ZNF423: variants seen among roughly 807,000 people sequenced by gnomAD.
ZNF423 encodes zinc finger protein 423, also known as Ebf-associated zinc finger protein.
In ZNF423, 12 loss-of-function variants were observed where a neutral mutation model predicts 95.8. The observed-to-expected ratio is 0.13, with a 90% confidence interval of 0.08 to 0.20. The LOEUF is 0.20. Among genes scored for constraint, ZNF423 ranks in the 10% least tolerant of loss-of-function variants. The probability of loss-of-function intolerance (pLI) is 1.00; values close to 1 mark genes in which losing one functional copy is unlikely to be tolerated. For synonymous variants in ZNF423, 749 were observed against 711.9 expected, an observed-to-expected ratio of 1.05 and a Z score of -0.83; for missense variants, 1,316 against 1,737.1, an observed-to-expected ratio of 0.76 and a Z score of 4.31.
At chr16:49,501,489 A>C (rs1165229456) in intron 7 of ZNF423, among the ~76,000 whole-genome samples, 1 of 152,198 alleles carries the variant, frequency 6.6e-6, no homozygotes, top group Non-Finnish European at 1.5e-5. Context: ...AGAACTAAGA[A>C]TTGAACTACC....
At chr16:49,591,154 A>C (rs1377371540) in intron 5 of ZNF423, among the ~76,000 whole-genome samples, 2 of 152,194 alleles carry the variant, frequency 1.3e-5, no homozygotes, top group Non-Finnish European at 2.9e-5. Flanking sequence ...TACGGACAGT[A>C]TAAGTCCACT....
chr16:49,827,501 T>C (rs148936534), intron 1 of ZNF423, among the ~76,000 whole-genome samples: 102 of 149,890 alleles, frequency 6.8e-4, no homozygotes, highest in African/African-American at 2.3e-3. Flanking sequence ...GATGGAAGAA[T>C]GAATGAATGA....
In ZNF423 at chr16:49,521,543, T is replaced by C. The variant is rs190701337; in HGVS notation, c.3849+2081A>G. 2.0e-5 allele frequency among the ~76,000 whole-genome samples: 3 copies of C among 152,222 alleles called. No individual in the cohort carries two copies. In the East Asian group the frequency reaches 5.8e-4, roughly 29 times the overall value. On this transcript the variant is annotated intron_variant, in intron 7 of 7. Transcript: ENST00000563137. Reference sequence around the variant, plus strand: ...ACATCCTAAGCACAGAGACATCAGCTCAGTTTGTGGATCAATGGGGAGACA... The same window carrying C: ...ACATCCTAAGCACAGAGACATCAGCCCAGTTTGTGGATCAATGGGGAGACA...
At chr16:49,669,998 C>T (rs745731231) in intron 3 of ZNF423, among the ~76,000 whole-genome samples, 61 of 152,214 alleles carry the variant, frequency 4.0e-4, no homozygotes, top group Non-Finnish European at 5.9e-4. Context: ...GGGGAGGAGA[C>T]GCCAAGGGCA....
intron 5 of ZNF423, among the ~76,000 whole-genome samples, chr16:49,536,681 T>G (rs1245152009): frequency 6.6e-6 from 1 of 152,168 alleles, no homozygotes. Flanking sequence ...AATCCCAAAG[T>G]GCTGGGATTA....
intron 1 of ZNF423, among the ~76,000 whole-genome samples, chr16:49,829,751 C>T (rs2035042710): frequency 6.6e-6 from 1 of 152,072 alleles, no homozygotes; most frequent in African/African-American, 2.4e-5. Flanking sequence ...TCCATGGGCT[C>T]ATGGAGAAGT....
At chr16:49,837,184 G>T (rs1253799788) in intron 1 of ZNF423, among the ~76,000 whole-genome samples, 1 of 152,134 alleles carries the variant, frequency 6.6e-6, no homozygotes, top group Non-Finnish European at 1.5e-5. Flanking sequence ...GGGGGCCCTG[G>T]CGAGCTGAGG....
chr16:49,679,347 C>T (rs899652492), intron 3 of ZNF423, among the ~76,000 whole-genome samples: 7 of 152,230 alleles, frequency 4.6e-5, no homozygotes, highest in Admixed American at 1.3e-4. Flanking sequence ...GATCCCCACC[C>T]TCCCCAGCAC....
chr16:49,771,192 C>CTTTTTTTTTTT (rs71380376), intron 2 of ZNF423, among the ~76,000 whole-genome samples: 22 of 89,432 alleles, frequency 2.5e-4, no homozygotes, highest in African/African-American at 3.7e-4. Flanking sequence ...TTTTTTTTTT[C>CTTTTTTTTTTT]TTTTTTTTTT....
rs370522546 is a variant in ZNF423 at position 49,627,702 on chromosome 16, C to CCCAT, written c.3517-1452_3517-1449dup. 1.7e-4 allele frequency among the ~76,000 whole-genome samples: 26 copies of CCCAT among 150,976 alleles called. 1 individual carries two copies. Among genetic ancestry groups the CCCAT allele is most frequent in the African/African-American group, 3.7e-4 (15 of 40,998 alleles). On this transcript the variant is annotated intron_variant, in intron 4 of 7. Transcript: ENST00000563137. ...TACCCATTCATCCATCCTCCATCTA[C>CCCAT]CCATCCATCCATCCATCCATCCATC... is the stretch of plus-strand genomic sequence containing the variant.
At chr16:49,572,565 T>G (rs1428176554) in intron 5 of ZNF423, among the ~76,000 whole-genome samples, 1 of 152,152 alleles carries the variant, frequency 6.6e-6, no homozygotes, top group Non-Finnish European at 1.5e-5. Flanking sequence ...ACAGTGGGCT[T>G]CTTTCTACAG....
chr16:49,753,174 G>A (rs373894521), intron 2 of ZNF423, among the ~76,000 whole-genome samples: 2 of 151,820 alleles, frequency 1.3e-5, no homozygotes, highest in African/African-American at 4.8e-5. Context: ...AACCCGGGAG[G>A]CAGAGGTTGC....
At chr16:49,525,304 CA>C (rs1355941159) in intron 6 of ZNF423, 58 bp downstream of exon 6, 75 of 1,595,672 alleles carry the variant, frequency 4.7e-5, no homozygotes, top group Non-Finnish European at 6.3e-5. Flanking sequence ...CCCGCAATAA[CA>C]GGGCAGGGCT....
At chr16:49,665,750 G>T (rs2030510636) in intron 3 of ZNF423, among the ~76,000 whole-genome samples, 1 of 152,102 alleles carries the variant, frequency 6.6e-6, no homozygotes, top group Non-Finnish European at 1.5e-5. Context: ...CCATCATCCA[G>T]CCGTCTCTTT....
chr16:49,823,381 C>T (rs1400419972), intron 1 of ZNF423, among the ~76,000 whole-genome samples: 1 of 152,192 alleles, frequency 6.6e-6, no homozygotes, highest in African/African-American at 2.4e-5. Flanking sequence ...TTAATCTTCA[C>T]AGCTGTGCAG....
chr16:49,555,850 T>C (rs931284183), intron 5 of ZNF423, among the ~76,000 whole-genome samples: 4 of 151,984 alleles, frequency 2.6e-5, no homozygotes, highest in African/African-American at 9.7e-5. Context: ...GATGGATGGA[T>C]TGATGGGATG....
In ZNF423 at chr16:49,635,903, G is replaced by A. The variant is rs142674394; in HGVS notation, c.3273C>T (p.Asp1091=). ...FRSKQDLVKL[D]VNGLPYGLCA... Reference sequence around the variant, plus strand: ...AGAGGCCGTAGGGCAGCCCATTGACGTCAAGCTTCACCAGGTCCTGCTTGC... The same window carrying A: ...AGAGGCCGTAGGGCAGCCCATTGACATCAAGCTTCACCAGGTCCTGCTTGC... Residue 1091 remains aspartate, a synonymous_variant, in exon 4 of 8, where the codon GAC becomes GAT. Coordinates refer to ENST00000563137, the MANE Select transcript of ZNF423 (RefSeq NM_001379286.1). The surrounding 1 kb of genome is among the most constrained non-coding windows in gnomAD (Gnocchi z 4.8). 42 of 1,582,268 alleles carry A rather than the reference G, an allele frequency of 2.7e-5. No homozygotes were observed. Among genetic ancestry groups the A allele is most frequent in the East Asian group, 2.5e-4 (11 of 44,596 alleles).
chr16:49,580,131 G>A (rs1439196746), intron 5 of ZNF423, among the ~76,000 whole-genome samples: 11 of 152,140 alleles, frequency 7.2e-5, no homozygotes, highest in Admixed American at 2.0e-4. Context: ...TTATAGTCCT[G>A]CAATAATTTC....
intron 7 of ZNF423, among the ~76,000 whole-genome samples, chr16:49,491,508 T>C (rs1966961578): frequency 6.7e-6 from 1 of 150,226 alleles, no homozygotes; most frequent in African/African-American, 2.4e-5. Context: ...TTCCTGTTAC[T>C]GCCAACTTGG....
Sources: allele counts gnomAD v4.1 joint callset (sites outside exome capture counted in the v4.1 genomes callset), GRCh38; gene constraint gnomAD v4.1.1; non-coding constraint Gnocchi (gnomAD v3.1); transcripts MANE v1.5; gene names NCBI Gene and HGNC (gene_info 2026-07-23, HGNC 2026-07-21).